Variants in SPOCK1 observed in about 807,000 individuals in gnomAD.
The protein encoded by SPOCK1 is SPARC (osteonectin), cwcv and kazal like domains proteoglycan 1, also known as testican-1.
A neutral mutation model predicts 55.3 loss-of-function variants in SPOCK1; 23 were observed. That is an observed-to-expected ratio of 0.42 (90% CI 0.30 to 0.59). The LOEUF (loss-of-function observed/expected upper bound fraction) is 0.59, where lower values mean the gene tolerates loss of function less well. SPOCK1 is among the 20% of genes least tolerant of loss of function. SPOCK1 has a pLI of 0.22. For synonymous variants in SPOCK1, 226 were observed against 221.0 expected (o/e 1.02, Z -0.20); for missense variants, 499 against 552.5 (o/e 0.90, Z 0.97).
intron 2 of SPOCK1, among the ~76,000 whole-genome samples, chr5:137,410,247 G>A (rs1301712095): frequency 1.3e-5 from 2 of 152,180 alleles, no homozygotes; most frequent in East Asian, 3.8e-4. Flanking sequence ...TCTTTCAGCT[G>A]ATCTATTTTC....
chr5:137,335,243 T>C (rs1750232366), intron 2 of SPOCK1, among the ~76,000 whole-genome samples: 1 of 152,228 alleles, frequency 6.6e-6, no homozygotes, highest in Non-Finnish European at 1.5e-5. Context: ...ATTGAGTAGT[T>C]AATGATATGG....
At chr5:137,193,260 A>G (rs1464329525) in intron 3 of SPOCK1, among the ~76,000 whole-genome samples, 3 of 152,100 alleles carry the variant, frequency 2.0e-5, no homozygotes, top group Non-Finnish European at 2.9e-5. Flanking sequence ...GGTTGCTGCA[A>G]TTAGGAGGTC....
At chr5:137,356,850 G>T (rs1223264131) in intron 2 of SPOCK1, among the ~76,000 whole-genome samples, 31 of 93,800 alleles carry the variant, frequency 3.3e-4, no homozygotes, top group African/African-American at 4.3e-4. Context: ...GAGAGAGAGA[G>T]AGAGAGAGAG....
At chr5:137,460,965 C>T (rs1753478232) in intron 2 of SPOCK1, among the ~76,000 whole-genome samples, 2 of 152,152 alleles carry the variant, frequency 1.3e-5, no homozygotes, top group African/African-American at 2.4e-5. Flanking sequence ...AACTTTTGTG[C>T]CCCCAAGGAG....
At chr5:137,072,424 C>T (rs1752638505) in intron 5 of SPOCK1, among the ~76,000 whole-genome samples, 1 of 152,160 alleles carries the variant, frequency 6.6e-6, no homozygotes, top group African/African-American at 2.4e-5. Context: ...CCTGCCTGCC[C>T]TTATCACTGC....
At chr5:137,304,099 C>CAA (rs1279331476) in intron 2 of SPOCK1, among the ~76,000 whole-genome samples, 2 of 150,112 alleles carry the variant, frequency 1.3e-5, no homozygotes, top group African/African-American at 4.9e-5. Flanking sequence ...GTTATAAAAG[C>CAA]AATTCCTACT....
chr5:137,032,275 CAG>C (rs1330391404), intron 6 of SPOCK1, among the ~76,000 whole-genome samples: 2 of 151,982 alleles, frequency 1.3e-5, no homozygotes, highest in Non-Finnish European at 2.9e-5. Context: ...GGAGGAATCC[CAG>C]TAGGTTAGCG....
chr5:137,327,077 T>C (rs1758094816), intron 2 of SPOCK1, among the ~76,000 whole-genome samples: 2 of 152,224 alleles, frequency 1.3e-5, no homozygotes, highest in African/African-American at 2.4e-5. Context: ...GGAGTTATGC[T>C]TCCTGATGTG....
In SPOCK1 at chr5:137,358,207, A is replaced by C. The variant is rs182637196; in HGVS notation, c.187-91152T>G. Among the ~76,000 whole-genome samples, 6 of 151,944 alleles carry C rather than the reference A, an allele frequency of 3.9e-5. No individual in the cohort carries two copies. The East Asian group carries it at 7.8e-4, about 20-fold the overall frequency. The stretch of plus-strand genomic sequence containing the variant: ...ACATCACTGAGCAATGACTGAACAA[A>C]TCAGTCACTTTCCCAAGGCCAAAAA... On this transcript the variant is annotated intron_variant, in intron 2 of 10. Coordinates refer to ENST00000394945, the MANE Select transcript of SPOCK1 (RefSeq NM_004598.4).
intron 2 of SPOCK1, among the ~76,000 whole-genome samples, chr5:137,382,775 AG>A (rs1751501542): frequency 6.6e-6 from 1 of 152,162 alleles, no homozygotes; most frequent in African/African-American, 2.4e-5. Flanking sequence ...GAGATTTCGG[AG>A]GGGACACAAA....
chr5:137,303,361 C>G (rs1471814636), intron 2 of SPOCK1, among the ~76,000 whole-genome samples: 1 of 151,870 alleles, frequency 6.6e-6, no homozygotes, highest in Non-Finnish European at 1.5e-5. Flanking sequence ...ATACTAGATG[C>G]CTCACATACA....
At chr5:137,160,485 C>G (rs1401351209) in intron 3 of SPOCK1, among the ~76,000 whole-genome samples, 1 of 95,436 alleles carries the variant, frequency 1.0e-5, no homozygotes, top group Non-Finnish European at 2.0e-5. Flanking sequence ...TGAAATGCAG[C>G]CAACACCTGG....
At chr5:137,132,968 A>G (rs1008503236) in intron 4 of SPOCK1, among the ~76,000 whole-genome samples, 4 of 152,170 alleles carry the variant, frequency 2.6e-5, no homozygotes, top group African/African-American at 9.7e-5. Context: ...ACTCACCCCC[A>G]TCTTCAGATG....
chr5:137,463,526 T>TG (rs200180241), intron 2 of SPOCK1, among the ~76,000 whole-genome samples: 383 of 12,438 alleles, frequency 0.031, 4 homozygotes, highest in Admixed American at 0.037. Flanking sequence ...GCAAGGGTAG[T>TG]GGGGGGGTGT....
At chr5:137,167,022 G>A (rs537729824) in intron 3 of SPOCK1, among the ~76,000 whole-genome samples, 1 of 152,044 alleles carries the variant, frequency 6.6e-6, no homozygotes, top group South Asian at 2.1e-4. Flanking sequence ...AAGTCATAGA[G>A]TGGCTGAATG....
intron 5 of SPOCK1, among the ~76,000 whole-genome samples, chr5:137,109,503 G>A (rs1398887564): frequency 6.6e-6 from 1 of 152,144 alleles, no homozygotes; most frequent in African/African-American, 2.4e-5. Flanking sequence ...CCATGCCTGA[G>A]CAGCCACTAT....
intron 2 of SPOCK1, among the ~76,000 whole-genome samples, chr5:137,459,588 C>T (rs756639533): frequency 3.3e-5 from 5 of 151,990 alleles, no homozygotes; most frequent in African/African-American, 7.3e-5. Context: ...TCTTTCCGGA[C>T]TATTTCATGG....
chr5:137,373,115 A>T (rs757365203), intron 2 of SPOCK1, among the ~76,000 whole-genome samples: 1 of 152,126 alleles, frequency 6.6e-6, no homozygotes. Flanking sequence ...TGGATCTTGG[A>T]CTTCCCAACC....
intron 2 of SPOCK1, among the ~76,000 whole-genome samples, chr5:137,284,864 C>G (rs757312409): frequency 1.3e-5 from 2 of 152,164 alleles, no homozygotes; most frequent in Non-Finnish European, 2.9e-5. Flanking sequence ...GATGAGGGAA[C>G]AGCTGGTCCC....
Sources: gnomAD v4.1 joint callset for allele counts (sites outside exome capture counted in the v4.1 genomes callset) on GRCh38, gnomAD v4.1.1 for gene constraint, MANE v1.5 for transcripts, NCBI Gene and HGNC (gene_info 2026-07-23, HGNC 2026-07-21) for gene names.